Variants in TBRG1 observed in about 807,000 individuals in gnomAD.
The protein encoded by TBRG1 is transforming growth factor beta regulator 1.
In TBRG1, 31 loss-of-function variants were observed where a neutral mutation model predicts 44.0. The ratio of observed to expected loss-of-function variants is 0.70; its 90% CI spans 0.53 to 0.95. TBRG1 has a LOEUF of 0.95. Ranked by LOEUF, TBRG1 falls within the 40% of genes least tolerant of loss-of-function variation. The probability of loss-of-function intolerance (pLI) is 0.00; values close to 1 mark genes in which losing one functional copy is unlikely to be tolerated. For synonymous variants in TBRG1, 171 were observed against 188.1 expected, an observed-to-expected ratio of 0.91 and a Z score of 0.74; for missense variants, 487 against 496.1, an observed-to-expected ratio of 0.98 and a Z score of 0.18.
In TBRG1 at chr11:124,622,904, G is replaced by T. The variant is rs905561796; in HGVS notation, c.-180G>T. ...ACGGAAGTGCTGGGAGGCGCCGGGAGCCCGTTCGGTTGCGGGTGTCTCTGG... is the reference window on the plus strand; with the variant it reads ...ACGGAAGTGCTGGGAGGCGCCGGGATCCCGTTCGGTTGCGGGTGTCTCTGG... On this transcript the variant is annotated 5_prime_UTR_variant, in exon 1 of 9. Transcript: ENST00000441174. 2 of 628,454 alleles carry T rather than the reference G, an allele frequency of 3.2e-6. No individual in the cohort carries two copies. The highest frequency in any genetic ancestry group is 5.9e-5 in the East Asian group (2 of 33,822). 38.9% of individuals were successfully genotyped at this position (628,454 alleles called of 1,614,324 possible).
intron 1 of TBRG1, among the ~76,000 whole-genome samples, chr11:124,624,370 A>G (rs1325232291): frequency 6.2e-5 from 9 of 144,356 alleles, no homozygotes; most frequent in African/African-American, 2.4e-4. Flanking sequence ...TTACAAAAAA[A>G]AAAAAAAAAA....
rs1942712279 is a variant in TBRG1 at position 124,635,597 on chromosome 11, T to C, written c.*3359T>C. 6.6e-6 allele frequency: 1 copy of C among 152,198 alleles called. No individual in the cohort carries two copies. Among genetic ancestry groups the C allele is most frequent in the Admixed American group, 6.5e-5 (1 of 15,284 alleles). The allele number at this position is 152,198 out of a possible 1,614,324, so 9.4% of individuals were successfully genotyped here. Reference sequence around the variant, plus strand: ...CCACTAAAAATAAATTTACATATGATTTCATTAATATATTCACTATCTAAA... The same window carrying C: ...CCACTAAAAATAAATTTACATATGACTTCATTAATATATTCACTATCTAAA... On this transcript the variant is annotated 3_prime_UTR_variant, in exon 9 of 9. Coordinates refer to ENST00000441174, the MANE Select transcript of TBRG1 (RefSeq NM_032811.3).
chr11:124,630,350 C>A, intron 5 of TBRG1, 38 bp from the exon 6 acceptor site: 1 of 1,348,870 alleles, frequency 7.4e-7, no homozygotes, highest in Non-Finnish European at 1.1e-6. Context: ...CTCCTTCCTT[C>A]TTGAGGATTG....
intron 5 of TBRG1, among the ~76,000 whole-genome samples, chr11:124,628,731 T>A (rs4936946): frequency 0.51 from 76,897 of 151,686 alleles, 19,837 homozygotes; most frequent in East Asian, 0.61. Context: ...AAATTGGTAG[T>A]CTTCTGGGAG....
rs144525983 is a variant in TBRG1 at position 124,626,913 on chromosome 11, G to A, written c.601G>A (p.Asp201Asn). ...TVYSLGEIIT[D>N]RPGFHDESAI... ...GGAATGTTTTTTATAGATCATCACC[G>A]ACCGACCTGGCTTTCATGATGAGAG... is the stretch of plus-strand genomic sequence containing the variant. Residue 201 changes from aspartate to asparagine, a missense_variant, in exon 5 of 9, where the codon GAC (aspartate) becomes AAC (asparagine). By Grantham distance (23) the Asp-to-Asn change is conservative. Coordinates refer to ENST00000441174, the MANE Select transcript of TBRG1 (RefSeq NM_032811.3). The A allele has an allele frequency of 3.2e-5, 51 of 1,605,388 alleles. No homozygotes were observed. Among genetic ancestry groups the A allele is most frequent in the African/African-American group, 1.9e-4 (14 of 74,782 alleles).
At position 124,624,974 on chromosome 11, in the gene TBRG1, A is replaced by C. The variant is rs2134323786; in HGVS notation, c.194A>C (p.Lys65Thr). 1 of 1,550,018 alleles carries C rather than the reference A, an allele frequency of 6.5e-7. No homozygotes were observed. The highest frequency in any genetic ancestry group is 2.4e-5 in the East Asian group (1 of 40,892). The change falls in exon 2 of 9, where the codon AAA becomes ACA. Residue 65 changes from lysine to threonine, a missense_variant. Transcript: ENST00000441174. The part of the protein sequence containing the change: ...ICDEIARLEE[K>T]FLKAKEERRY... ...GATGAAATTGCTCGTCTTGAGGAAA[A>C]ATTTCTTAAAGCAAAAGAAGAAAGA... is the stretch of plus-strand genomic sequence containing the variant.
rs1357893940 is a variant in TBRG1, at chr11:124,630,399, T to A, written c.750T>A (p.Val250=). ...DGGVQPQFEI[V]PEDDPQNAIV... is the part of the protein sequence containing the mutation. ...TTTGTCTTTCTCAGTTTGAAATTGT[T>A]CCTGAAGATGACCCCCAGAATGCCA... The change falls in exon 6 of 9, where the codon GTT becomes GTA. Residue 250 remains valine, a synonymous_variant. Coordinates refer to ENST00000441174, the MANE Select transcript of TBRG1 (RefSeq NM_032811.3). The A allele has an allele frequency of 6.2e-7, 1 of 1,612,826 alleles. No individual in the cohort carries two copies. Among genetic ancestry groups the A allele is most frequent in the East Asian group, 2.2e-5 (1 of 44,870 alleles).
chr11:124,625,608 T>G (rs1313872015), intron 2 of TBRG1, 63 bp from the exon 3 acceptor site: 2 of 1,442,180 alleles, frequency 1.4e-6, no homozygotes, highest in Non-Finnish European at 1.9e-6. Flanking sequence ...AGTACTTGAG[T>G]AAAATACTGA....
intron 1 of TBRG1, 191 bp downstream of exon 1, chr11:124,623,424 T>A (rs1473308217): frequency 1.4e-6 from 1 of 715,872 alleles, no homozygotes; most frequent in South Asian, 1.5e-5. Context: ...GTAAATGAGC[T>A]AGTAACTGTC....
At chr11:124,630,148 A>G (rs759156832) in intron 5 of TBRG1, 3 of 428,858 alleles carry the variant, frequency 7.0e-6, no homozygotes, top group African/African-American at 2.0e-5. Context: ...CAACAAATTA[A>G]ACGCTCACTT....
At chr11:124,630,015 C>A (rs559829442) in intron 5 of TBRG1, 9 of 163,124 alleles carry the variant, frequency 5.5e-5, no homozygotes, top group Non-Finnish European at 1.1e-4. Context: ...TTGCAGTCAG[C>A]CTGTTTCTCC....
Position 124,622,918 on chromosome 11 carries a change from G to A in TBRG1, c.-166G>A. ...AGGCGCCGGGAGCCCGTTCGGTTGC[G>A]GGTGTCTCTGGCCCTGCGGTCAGCC... On this transcript the variant is annotated 5_prime_UTR_variant, in exon 1 of 9. Coordinates refer to ENST00000441174, the MANE Select transcript of TBRG1 (RefSeq NM_032811.3). 1.4e-6 allele frequency: 1 copy of A among 696,800 alleles called. No homozygotes were observed. Among genetic ancestry groups the A allele is most frequent in the Non-Finnish European group, 2.3e-6 (1 of 438,340 alleles). The allele number at this position is 696,800 out of a possible 1,614,324, so 43.2% of individuals were successfully genotyped here. A position where few individuals can be genotyped will look rare whatever the true frequency, so the allele number is the denominator to read the frequency against.
chr11:124,633,513 A>G lies in TBRG1; in HGVS notation c.*1275A>G, dbSNP rs1565403404. 1 of 152,258 alleles carries G rather than the reference A, an allele frequency of 6.6e-6. No individual in the cohort carries two copies. The highest frequency in any genetic ancestry group is 1.9e-4 in the East Asian group (1 of 5,204). 9.4% of individuals were successfully genotyped at this position (152,258 alleles called of 1,614,324 possible). On this transcript the variant is annotated 3_prime_UTR_variant, in exon 9 of 9. Transcript: ENST00000441174. ...TGCCATTCATAATTGCCAATTGAGG[A>G]CAACACAAATGGGATTGGTACTTTA...
At position 124,625,662 on chromosome 11, in the gene TBRG1, T is replaced by C; in HGVS notation, c.222-9T>C. On this transcript the variant is annotated splice_polypyrimidine_tract_variant and intron_variant, in intron 2 of 8. Coordinates refer to ENST00000441174, the MANE Select transcript of TBRG1 (RefSeq NM_032811.3). ...TTCATTTCTCTGCTCCTTTCCTTCC[T>C]GATCTCAGGTACTTGCTAAAGAAGC... The C allele has an allele frequency of 6.5e-7, 1 of 1,548,944 alleles. No individual in the cohort carries two copies. The highest frequency in any genetic ancestry group is 1.2e-5 in the South Asian group (1 of 83,438).
chr11:124,624,147 C>G (rs1290962266), intron 1 of TBRG1, among the ~76,000 whole-genome samples: 3 of 152,060 alleles, frequency 2.0e-5, no homozygotes, highest in Admixed American at 2.0e-4. Context: ...ATTGACTGTT[C>G]CCTTTCTTTT....
chr11:124,628,705 A>G (rs2134332435), intron 5 of TBRG1, among the ~76,000 whole-genome samples: 1 of 152,240 alleles, frequency 6.6e-6, no homozygotes, highest in South Asian at 2.1e-4. Context: ...AAACAAGTAC[A>G]CGTTAGTAGG....
chr11:124,623,505 A>T, intron 1 of TBRG1: 1 of 511,160 alleles, frequency 2.0e-6, no homozygotes, highest in Admixed American at 2.6e-5. Flanking sequence ...AATAAATTTT[A>T]GTCATCGTTG....
intron 5 of TBRG1, 25 bp downstream of exon 5, chr11:124,627,075 G>A (rs1486310225): frequency 6.9e-7 from 1 of 1,447,854 alleles, no homozygotes; most frequent in South Asian, 1.2e-5. Flanking sequence ...AATAACCACT[G>A]TTTGTCTTTA....
intron 7 of TBRG1, 98 bp from the exon 8 acceptor site, chr11:124,631,177 C>A: frequency 8.4e-7 from 1 of 1,188,498 alleles, no homozygotes; most frequent in Non-Finnish European, 1.2e-6. Flanking sequence ...TATATATGGG[C>A]GGAATATAAA....
Sources: gnomAD v4.1 joint callset for allele counts (sites outside exome capture counted in the v4.1 genomes callset) on GRCh38, gnomAD v4.1.1 for gene constraint, MANE v1.5 for transcripts, NCBI Gene and HGNC (gene_info 2026-07-23, HGNC 2026-07-21) for gene names.